The following ABHD18 variants were observed in gnomAD, a reference collection of about 807,000 sequenced individuals.
ABHD18 encodes the protein abhydrolase domain containing 18, also known as cardiolipin-specific deacylase, mitochondrial.
A neutral mutation model predicts 65.9 loss-of-function variants in ABHD18; 55 were observed. That is an observed-to-expected ratio of 0.84 (90% CI 0.67 to 1.05). The LOEUF (loss-of-function observed/expected upper bound fraction) is 1.05. ABHD18 is among the 50% of genes least tolerant of loss of function. ABHD18 has a pLI of 0.00. For synonymous variants in ABHD18, 181 were observed against 180.2 expected (o/e 1.00, Z -0.04); for missense variants, 533 against 558.5 (o/e 0.95, Z 0.46).
chr4:128,011,528 A>C (rs1412149287), intron 6 of ABHD18, 145 bp from the exon 7 acceptor site: 1 of 438,194 alleles, frequency 2.3e-6, no homozygotes, highest in East Asian at 3.7e-5. Flanking sequence ...TTGAAAACTT[A>C]AGAACTTCTA....
chr4:127,985,323 G>A (rs938285844), intron 3 of ABHD18, among the ~76,000 whole-genome samples: 3 of 151,982 alleles, frequency 2.0e-5, no homozygotes, highest in Non-Finnish European at 4.4e-5. Context: ...ATACAAATGG[G>A]CAAGTTTCAC....
chr4:128,000,514 G>A (rs6534655), intron 4 of ABHD18, among the ~76,000 whole-genome samples: 84,213 of 151,968 alleles, frequency 0.55, 24,560 homozygotes, highest in Middle Eastern at 0.8. Flanking sequence ...TACCAGTACC[G>A]TGCTGTTTTG....
intron 4 of ABHD18, among the ~76,000 whole-genome samples, chr4:128,007,158 G>A (rs913355302): frequency 1.3e-5 from 2 of 151,208 alleles, no homozygotes; most frequent in African/African-American, 4.9e-5. Context: ...AAAGAAAAAA[G>A]AAATAAAGAA....
At chr4:128,013,233 CAA>C (rs1283964158) in intron 7 of ABHD18, among the ~76,000 whole-genome samples, 2 of 151,862 alleles carry the variant, frequency 1.3e-5, no homozygotes, top group Admixed American at 1.3e-4. Flanking sequence ...TTTACTGGGA[CAA>C]GAGTAGCAGC....
chr4:128,027,215 G>A (rs935730906), intron 10 of ABHD18, among the ~76,000 whole-genome samples: 4 of 152,254 alleles, frequency 2.6e-5, no homozygotes, highest in Admixed American at 2.6e-4. Context: ...TAGCTTGGGT[G>A]TGTAGTCAGC....
chr4:127,983,662 G>A (rs1046677830), intron 2 of ABHD18, among the ~76,000 whole-genome samples: 2 of 152,164 alleles, frequency 1.3e-5, no homozygotes, highest in South Asian at 2.1e-4. Context: ...TCAGGAGTTC[G>A]AGAACAGCCT....
At position 127,981,661 on chromosome 4, in the gene ABHD18, GA is replaced by G. The variant is rs761239451; in HGVS notation, c.-17-1276del. On this transcript the variant is annotated intron_variant, in intron 1 of 12. Transcript: ENST00000645843. ...ACACTGGATGGATGATAATTTATAG[GA>G]ATCTAGTAATTAATACCAGTTTATG... Among the ~76,000 whole-genome samples the G allele has an allele frequency of 9.9e-5, 15 of 152,184 alleles. No individual in the cohort carries two copies. In the East Asian group the frequency reaches 1.9e-3, roughly 20 times the overall value.
intron 3 of ABHD18, among the ~76,000 whole-genome samples, chr4:127,988,528 G>C (rs953563059): frequency 6.6e-6 from 1 of 152,062 alleles, no homozygotes; most frequent in Admixed American, 6.6e-5. Context: ...CATTGTGCCT[G>C]GCCTGATAAT....
intron 7 of ABHD18, among the ~76,000 whole-genome samples, chr4:128,015,178 G>A (rs1341788798): frequency 1.3e-5 from 2 of 152,036 alleles, no homozygotes; most frequent in South Asian, 2.1e-4. Context: ...CTGGCAAGTC[G>A]AGGCTGTTGT....
chr4:128,026,508 T>G (rs1429359647), intron 10 of ABHD18, among the ~76,000 whole-genome samples: 2 of 151,998 alleles, frequency 1.3e-5, no homozygotes, highest in African/African-American at 4.8e-5. Flanking sequence ...GTTGCCCTTA[T>G]GTGTATATCC....
At chr4:127,984,707 A>C (rs1749662830) in intron 3 of ABHD18, among the ~76,000 whole-genome samples, 1 of 151,976 alleles carries the variant, frequency 6.6e-6, no homozygotes, top group South Asian at 2.1e-4. Context: ...AAAAAAATAC[A>C]AAATTAGCCG....
intron 4 of ABHD18, among the ~76,000 whole-genome samples, chr4:128,006,916 C>A (rs1753692910): frequency 6.6e-6 from 1 of 151,956 alleles, no homozygotes; most frequent in Non-Finnish European, 1.5e-5. Flanking sequence ...GAGACTGTCT[C>A]CAGAAAATTA....
intron 10 of ABHD18, among the ~76,000 whole-genome samples, chr4:128,021,518 G>C (rs1239018393): frequency 6.6e-6 from 1 of 152,126 alleles, no homozygotes; most frequent in Non-Finnish European, 1.5e-5. Flanking sequence ...GCCACGTGTG[G>C]TGGTAGGTGC....
intron 1 of ABHD18, among the ~76,000 whole-genome samples, chr4:127,977,911 A>T (rs1748267301): frequency 6.6e-6 from 1 of 152,158 alleles, no homozygotes; most frequent in Admixed American, 6.5e-5. Flanking sequence ...GATAGCATAA[A>T]CATTAACTGA....
chr4:128,006,513 T>C (rs1753623126), intron 4 of ABHD18, among the ~76,000 whole-genome samples: 1 of 152,208 alleles, frequency 6.6e-6, no homozygotes, highest in Admixed American at 6.5e-5. Context: ...AGCAATTTAT[T>C]GACAGTGGAT....
chr4:128,007,031 G>A (rs551525922), intron 4 of ABHD18, among the ~76,000 whole-genome samples: 1 of 152,350 alleles, frequency 6.6e-6, no homozygotes, highest in South Asian at 2.1e-4. Flanking sequence ...TGTAATCCCA[G>A]CTACTTGGGA....
intron 12 of ABHD18, among the ~76,000 whole-genome samples, chr4:128,033,767 A>T (rs1341027709): frequency 1.3e-5 from 2 of 151,138 alleles, no homozygotes; most frequent in Non-Finnish European, 2.9e-5. Context: ...CGATCTCCTG[A>T]CCTCGTGATC....
chr4:128,016,279 T>G (rs1755480077), intron 7 of ABHD18, among the ~76,000 whole-genome samples: 3 of 152,076 alleles, frequency 2.0e-5, no homozygotes, highest in African/African-American at 7.2e-5. Flanking sequence ...GAAATATACT[T>G]CTGTGTAAAA....
chr4:128,021,870 G>A (rs1036941739), intron 10 of ABHD18, among the ~76,000 whole-genome samples: 11 of 152,094 alleles, frequency 7.2e-5, no homozygotes, highest in African/African-American at 2.4e-4. Context: ...TTATCCTTAT[G>A]TTTATAGTAA....
Sources: gnomAD v4.1 joint callset for allele counts (sites outside exome capture counted in the v4.1 genomes callset) on GRCh38, gnomAD v4.1.1 for gene constraint, MANE v1.5 for transcripts, NCBI Gene and HGNC (gene_info 2026-07-23, HGNC 2026-07-21) for gene names.